The following TAFA5 variants were observed in gnomAD, a reference collection of about 807,000 sequenced individuals.
The protein encoded by TAFA5 is TAFA chemokine like family member 5.
Under a neutral mutation model 15.3 loss-of-function variants are expected in TAFA5, and 6 were observed. The ratio of observed to expected loss-of-function variants is 0.39; its 90% CI spans 0.21 to 0.77. TAFA5 has a LOEUF of 0.77. Among genes scored for constraint, TAFA5 ranks in the 30% least tolerant of loss-of-function variants. TAFA5 has a pLI of 0.41. For missense variants in TAFA5, 161 were observed against 193.1 expected (o/e 0.83, Z 0.98); for synonymous variants, 103 against 80.7 (o/e 1.28, Z -1.48).
chr22:48,598,591 T>C lies in TAFA5; in HGVS notation c.113-48006T>C, dbSNP rs377425452. 1.3e-5 allele frequency among the ~76,000 whole-genome samples: 2 copies of C among 152,216 alleles called. No individual in the cohort carries two copies. Among genetic ancestry groups the C allele is most frequent in the East Asian group, 3.8e-4 (2 of 5,196 alleles). On this transcript the variant is annotated intron_variant, in intron 1 of 3. Coordinates refer to ENST00000402357, the MANE Select transcript of TAFA5 (RefSeq NM_001082967.3). The surrounding 1 kb of genome is among the most constrained non-coding windows in gnomAD (Gnocchi z 4.0). ...TGTAGGCTGCCATGGTGTCACCGGC[T>C]GACCTGGTTTCACTCACACTTCTGA...
chr22:48,529,682 G>A (rs553938945), intron 1 of TAFA5, among the ~76,000 whole-genome samples: 1 of 151,458 alleles, frequency 6.6e-6, no homozygotes, highest in South Asian at 2.1e-4. Flanking sequence ...CAGGAGATGG[G>A]GGTGTCCAGG....
chr22:48,625,701 AATG>A (rs1449430692), intron 1 of TAFA5, among the ~76,000 whole-genome samples: 8 of 152,146 alleles, frequency 5.3e-5, no homozygotes, highest in Non-Finnish European at 1.2e-4. Flanking sequence ...CAACCTAGTA[AATG>A]ATATTTTAGA....
intron 2 of TAFA5, among the ~76,000 whole-genome samples, chr22:48,665,347 G>T (rs1180789963): frequency 1.3e-5 from 2 of 152,126 alleles, no homozygotes; most frequent in East Asian, 1.9e-4. Flanking sequence ...CTTCTTATTT[G>T]CTTAATGGTA....
intron 1 of TAFA5, among the ~76,000 whole-genome samples, chr22:48,589,824 G>A (rs1303306592): frequency 6.7e-6 from 1 of 150,012 alleles, no homozygotes; most frequent in African/African-American, 2.4e-5. Context: ...TAGAGGAAGC[G>A]CAGGCCCAAG....
At chr22:48,591,766 C>A (rs1341588853) in intron 1 of TAFA5, among the ~76,000 whole-genome samples, 1 of 152,158 alleles carries the variant, frequency 6.6e-6, no homozygotes, top group African/African-American at 2.4e-5. Context: ...GTTCCCCAGT[C>A]AGGAGATGGT....
chr22:48,691,772 G>A (rs1403874435), intron 2 of TAFA5, among the ~76,000 whole-genome samples: 1 of 152,256 alleles, frequency 6.6e-6, no homozygotes, highest in Non-Finnish European at 1.5e-5. Flanking sequence ...CATCCGGGGA[G>A]GGCCCCAGGC....
chr22:48,635,510 C>T (rs1411321763), intron 1 of TAFA5, among the ~76,000 whole-genome samples: 2 of 152,254 alleles, frequency 1.3e-5, no homozygotes, highest in African/African-American at 2.4e-5. Flanking sequence ...TCTGTCTTCC[C>T]AGGCGTCACT....
chr22:48,623,563 G>T (rs553037222), intron 1 of TAFA5, among the ~76,000 whole-genome samples: 2 of 152,330 alleles, frequency 1.3e-5, no homozygotes, highest in South Asian at 2.1e-4. Flanking sequence ...GGTGGAGGAA[G>T]GGGGCGGCTC....
chr22:48,569,735 G>C (rs12160028), intron 1 of TAFA5, among the ~76,000 whole-genome samples: 24,190 of 152,246 alleles, frequency 0.16, 2,180 homozygotes, highest in East Asian at 0.22. Context: ...TGCATCCCGG[G>C]GGGTGGCCTC....
At chr22:48,604,256 G>C (rs551014610) in intron 1 of TAFA5, among the ~76,000 whole-genome samples, 1 of 152,136 alleles carries the variant, frequency 6.6e-6, no homozygotes, top group Non-Finnish European at 1.5e-5. Context: ...GCGTTCCTTC[G>C]TTTTAGGATA....
intron 1 of TAFA5, among the ~76,000 whole-genome samples, chr22:48,640,213 C>CTGG (rs1285859875): frequency 1.3e-5 from 2 of 152,194 alleles, no homozygotes; most frequent in Non-Finnish European, 2.9e-5. Context: ...GAGGCTAGAT[C>CTGG]TGGCCCTCAG....
At chr22:48,570,104 C>T (rs1923533940) in intron 1 of TAFA5, among the ~76,000 whole-genome samples, 1 of 152,216 alleles carries the variant, frequency 6.6e-6, no homozygotes, top group South Asian at 2.1e-4. Context: ...CATGCTGCAT[C>T]TGCCCTGCCT....
intron 2 of TAFA5, among the ~76,000 whole-genome samples, chr22:48,701,912 G>A (rs368785166): frequency 5.9e-5 from 9 of 152,334 alleles, no homozygotes; most frequent in African/African-American, 2.2e-4. Context: ...TAGGTGCAGC[G>A]GCTGCGTCAT....
intron 2 of TAFA5, among the ~76,000 whole-genome samples, chr22:48,659,797 C>T (rs540811223): frequency 1.8e-3 from 279 of 152,312 alleles, no homozygotes; most frequent in African/African-American, 6.5e-3. Flanking sequence ...CCACAGCTGG[C>T]GCCCTCCACC....
chr22:48,617,690 A>G (rs1470198746), intron 1 of TAFA5, among the ~76,000 whole-genome samples: 1 of 152,186 alleles, frequency 6.6e-6, no homozygotes, highest in Non-Finnish European at 1.5e-5. Context: ...AAGCTGCCCC[A>G]TGCCTGAGGC....
intron 1 of TAFA5, chr22:48,544,483 T>C (rs945712520): frequency 1.4e-4 from 51 of 354,986 alleles, no homozygotes; most frequent in South Asian, 1.0e-3. Context: ...TGTTGAAATA[T>C]GCAGACCTCT....
At chr22:48,582,724 T>A (rs115124259) in intron 1 of TAFA5, among the ~76,000 whole-genome samples, 2,721 of 31,756 alleles carry the variant, frequency 0.086, no homozygotes, top group African/African-American at 0.096. Context: ...CACACTACAC[T>A]CAAAATACAC....
chr22:48,633,492 CTG>C (rs1320083135), intron 1 of TAFA5, among the ~76,000 whole-genome samples: 17 of 145,936 alleles, frequency 1.2e-4, no homozygotes, highest in African/African-American at 3.9e-4. Flanking sequence ...CTGCTTTGCT[CTG>C]TGTCTGTCTG....
chr22:48,548,364 C>T (rs1040561563), intron 1 of TAFA5, among the ~76,000 whole-genome samples: 3 of 152,222 alleles, frequency 2.0e-5, no homozygotes, highest in African/African-American at 4.8e-5. Context: ...GGAGATGACT[C>T]GTCCTGCCAT....
Sources: allele counts gnomAD v4.1 joint callset (sites outside exome capture counted in the v4.1 genomes callset), GRCh38; gene constraint gnomAD v4.1.1; non-coding constraint Gnocchi (gnomAD v3.1); transcripts MANE v1.5; gene names NCBI Gene and HGNC (gene_info 2026-07-23, HGNC 2026-07-21).